Variants in APCDD1L observed in about 807,000 individuals in gnomAD.
APCDD1L encodes the protein protein APCDD1-like.
A neutral mutation model predicts 24.2 loss-of-function variants in APCDD1L; 21 were observed. The observed-to-expected ratio is 0.87, with a 90% CI of 0.61 to 1.25. The LOEUF is 1.25. Ranked by LOEUF, APCDD1L falls within the 50% of genes most tolerant of loss-of-function variation. The pLI is 0.00. For missense variants in APCDD1L, 704 were observed against 711.7 expected (o/e 0.99, Z 0.12); for synonymous variants, 321 against 323.6 (o/e 0.99, Z 0.09).
intron 3 of APCDD1L, among the ~76,000 whole-genome samples, chr20:58,463,401 G>T (rs899017845): frequency 6.6e-6 from 1 of 152,132 alleles, no homozygotes; most frequent in African/African-American, 2.4e-5. Flanking sequence ...CGTGAGCTGG[G>T]TTTACCGTAA....
At chr20:58,501,391 G>A (rs1990434755) in intron 1 of APCDD1L, among the ~76,000 whole-genome samples, 1 of 152,124 alleles carries the variant, frequency 6.6e-6, no homozygotes, top group South Asian at 2.1e-4. Flanking sequence ...CCTGTAAGAA[G>A]AGGAAATTTG....
In APCDD1L at chr20:58,471,883, C is replaced by T. The variant is rs1402536105; in HGVS notation, c.50-1136G>A. 2.0e-5 allele frequency among the ~76,000 whole-genome samples: 3 copies of T among 152,154 alleles called. No homozygotes were observed. The East Asian group carries it at 5.8e-4, about 29-fold the overall frequency. ...CACCCAGCCTGGGGCTGGAGTGGGT[C>T]AGGAGGGGCTGAGTCTTAGGGCTCC... On this transcript the variant is annotated intron_variant, in intron 1 of 3. Transcript: ENST00000371149.
intron 1 of APCDD1L, among the ~76,000 whole-genome samples, chr20:58,489,755 G>C (rs770551439): frequency 6.6e-6 from 1 of 152,050 alleles, no homozygotes; most frequent in Non-Finnish European, 1.5e-5. Flanking sequence ...GTAGAAAAAG[G>C]GTGCAATCTC....
Position 58,514,681 on chromosome 20 carries a change from A to C in APCDD1L, c.27T>G (p.Ala9=), listed in dbSNP as rs1990704287. ...TACCTCCCAAAAGCACCAGGACGCAAGCGTAGGGGAGCATGGCTGCGGGCA... is the reference window on the plus strand; with the variant it reads ...TACCTCCCAAAAGCACCAGGACGCACGCGTAGGGGAGCATGGCTGCGGGCA... MPAAMLPY[A]CVLVLLGAHT... The change falls in exon 1 of 4, where the codon GCT becomes GCG. Residue 9 remains alanine, a synonymous_variant. Coordinates refer to ENST00000371149, the MANE Select transcript of APCDD1L (RefSeq NM_153360.3). The C allele has an allele frequency of 7.6e-7, 1 of 1,312,462 alleles. No homozygotes were observed. Among genetic ancestry groups the C allele is most frequent in the East Asian group, 2.8e-5 (1 of 35,586 alleles). The allele number at this position is 1,312,462 out of a possible 1,614,324, so 81.3% of individuals were successfully genotyped here. A position where few individuals can be genotyped will look rare whatever the true frequency, so the allele number is the denominator to read the frequency against.
At chr20:58,492,555 A>G (rs1990241085) in intron 1 of APCDD1L, among the ~76,000 whole-genome samples, 1 of 152,270 alleles carries the variant, frequency 6.6e-6, no homozygotes, top group Non-Finnish European at 1.5e-5. Context: ...GTGAGGACCA[A>G]TGGGAACCCT....
At chr20:58,490,171 C>G (rs1007295427) in intron 1 of APCDD1L, among the ~76,000 whole-genome samples, 1 of 152,170 alleles carries the variant, frequency 6.6e-6, no homozygotes, top group East Asian at 1.9e-4. Context: ...ACCAATCATT[C>G]AGAAAGTTTC....
chr20:58,479,047 G>T (rs2123152699), intron 1 of APCDD1L, among the ~76,000 whole-genome samples: 1 of 152,160 alleles, frequency 6.6e-6, no homozygotes, highest in South Asian at 2.1e-4. Flanking sequence ...ATCCTGACAT[G>T]GTCCTGCACC....
At chr20:58,486,466 A>G (rs1341589680) in intron 1 of APCDD1L, among the ~76,000 whole-genome samples, 1 of 152,224 alleles carries the variant, frequency 6.6e-6, no homozygotes, top group Non-Finnish European at 1.5e-5. Context: ...GTTAAGAGAC[A>G]TAGGAGCTAT....
chr20:58,514,068 G>C, intron 1 of APCDD1L: 1 of 795,794 alleles, frequency 1.3e-6, no homozygotes, highest in Non-Finnish European at 1.7e-6. Flanking sequence ...AGCCACCAGG[G>C]AACCCCTTAG....
chr20:58,514,546 G>C (rs1990701650), intron 1 of APCDD1L, 113 bp downstream of exon 1: 1 of 1,071,268 alleles, frequency 9.3e-7, no homozygotes, highest in African/African-American at 1.6e-5. Context: ...CATAGCAGCC[G>C]CGTGGGCCGA....
intron 1 of APCDD1L, among the ~76,000 whole-genome samples, chr20:58,485,036 T>TC (rs1990096518): frequency 6.6e-6 from 1 of 152,298 alleles, no homozygotes; most frequent in South Asian, 2.1e-4. Flanking sequence ...GAGATAGTTT[T>TC]CCATCTCAGA....
Position 58,461,227 on chromosome 20 carries a change from G to A in APCDD1L, c.1069C>T (p.Arg357Trp), listed in dbSNP as rs538129029. The change falls in exon 4 of 4, where the codon CGG becomes TGG. Residue 357 changes from arginine to tryptophan, a missense_variant. Transcript: ENST00000371149. The surrounding 1 kb of genome is among the most constrained non-coding windows in gnomAD (Gnocchi z 6.0). ...TGGTCCATGGGGGTCACATGGGCCCGTGTGACCTCAAACACCAGCTCGGTG... is the reference window on the plus strand; with the variant it reads ...TGGTCCATGGGGGTCACATGGGCCCATGTGACCTCAAACACCAGCTCGGTG... ...GGTELVFEVT[R>W]AHVTPMDQVT... 45 of 1,613,512 alleles carry A rather than the reference G, an allele frequency of 2.8e-5. No individual in the cohort carries two copies. The highest frequency in any genetic ancestry group is 1.7e-4 in the Admixed American group (10 of 59,998).
intron 1 of APCDD1L, chr20:58,513,719 C>A (rs960725842): frequency 4.4e-6 from 2 of 451,878 alleles, no homozygotes; most frequent in Non-Finnish European, 4.3e-6. Flanking sequence ...CACGTGCTCT[C>A]GTAATCTTCA....
At chr20:58,511,525 G>T (rs762635173) in intron 1 of APCDD1L, among the ~76,000 whole-genome samples, 6 of 152,230 alleles carry the variant, frequency 3.9e-5, no homozygotes, top group Admixed American at 6.5e-5. Flanking sequence ...CAAGGAAGCT[G>T]CTGTATTTGC....
intron 1 of APCDD1L, among the ~76,000 whole-genome samples, chr20:58,502,339 G>A (rs1016096701): frequency 6.6e-6 from 1 of 152,174 alleles, no homozygotes; most frequent in Non-Finnish European, 1.5e-5. Context: ...GACCTCAAGT[G>A]ATCCACCCGC....
chr20:58,513,732 A>G, intron 1 of APCDD1L: 1 of 479,892 alleles, frequency 2.1e-6, no homozygotes, highest in Non-Finnish European at 4.0e-6. Context: ...AATCTTCACA[A>G]TCATCCCAGA....
intron 1 of APCDD1L, among the ~76,000 whole-genome samples, chr20:58,510,602 G>C (rs1990608927): frequency 6.6e-6 from 1 of 152,204 alleles, no homozygotes; most frequent in African/African-American, 2.4e-5. Flanking sequence ...AAAGTGCTGG[G>C]ATTAAAGGCG....
chr20:58,466,894 T>C (rs909714252), intron 3 of APCDD1L, among the ~76,000 whole-genome samples: 4 of 151,994 alleles, frequency 2.6e-5, no homozygotes, highest in Non-Finnish European at 5.9e-5. Context: ...CCGCCAGCCT[T>C]GTAAAGGCTG....
At chr20:58,487,642 TACTA>T (rs1270926564) in intron 1 of APCDD1L, among the ~76,000 whole-genome samples, 1 of 152,108 alleles carries the variant, frequency 6.6e-6, no homozygotes, top group Admixed American at 6.5e-5. Context: ...ACTTGCCAAA[TACTA>T]AGTAAAAGGA....
Sources: gnomAD v4.1 joint callset for allele counts (sites outside exome capture counted in the v4.1 genomes callset) on GRCh38, gnomAD v4.1.1 for gene constraint, Gnocchi (gnomAD v3.1) non-coding constraint, MANE v1.5 for transcripts, NCBI Gene and HGNC (gene_info 2026-07-23, HGNC 2026-07-21) for gene names.